Variants in STOX1 observed in about 807,000 individuals in gnomAD.
STOX1 encodes storkhead-box protein 1.
A neutral mutation model predicts 74.8 loss-of-function variants in STOX1; 57 were observed. The observed-to-expected ratio is 0.76, with a 90% confidence interval of 0.62 to 0.95. The LOEUF is 0.95. STOX1 is among the 40% of genes least tolerant of loss of function. The pLI is 0.00. For missense variants in STOX1, 1,010 were observed against 1,117.0 expected (o/e 0.90, Z 1.37); for synonymous variants, 375 against 401.3 (o/e 0.93, Z 0.78).
At chr10:68,829,586 G>A (rs1156382509) in intron 1 of STOX1, among the ~76,000 whole-genome samples, 1 of 152,082 alleles carries the variant, frequency 6.6e-6, no homozygotes, top group Non-Finnish European at 1.5e-5. Flanking sequence ...TGAAAACAGG[G>A]CAGCAAGAAG....
At chr10:68,892,483 A>G (rs1841120503) in intron 3 of STOX1, 106 bp from the exon 4 acceptor site, 1 of 1,037,126 alleles carries the variant, frequency 9.6e-7, no homozygotes. Context: ...GTACCTTTGT[A>G]TTAGTAAATG....
downstream of STOX1, among the ~76,000 whole-genome samples, chr10:68,894,542 C>A (rs1841159130): frequency 6.6e-6 from 1 of 152,156 alleles, no homozygotes; most frequent in African/African-American, 2.4e-5. Flanking sequence ...TGACATACCA[C>A]TGCATTCTTA....
chr10:68,889,637 C>T (rs1462097294), intron 3 of STOX1, among the ~76,000 whole-genome samples: 3 of 152,176 alleles, frequency 2.0e-5, no homozygotes, highest in Non-Finnish European at 4.4e-5. Context: ...GATCTCGGCT[C>T]ACAGCAACCT....
chr10:68,860,704 G>T (rs1262028199), intron 1 of STOX1, among the ~76,000 whole-genome samples: 1 of 151,974 alleles, frequency 6.6e-6, no homozygotes, highest in Admixed American at 6.6e-5. Context: ...AATTTGATTG[G>T]GTGTGTGTGT....
intron 1 of STOX1, among the ~76,000 whole-genome samples, chr10:68,840,867 GGTT>G (rs1273996410): frequency 6.6e-6 from 1 of 150,472 alleles, no homozygotes; most frequent in African/African-American, 2.4e-5. Context: ...GGCCAACAGT[GGTT>G]GTTTTATCTC....
chr10:68,849,389 G>A (rs1481857242), intron 1 of STOX1, among the ~76,000 whole-genome samples: 3 of 152,010 alleles, frequency 2.0e-5, no homozygotes, highest in South Asian at 2.1e-4. Flanking sequence ...AGTAATTCCC[G>A]AACTCTTCCG....
At chr10:68,872,332 T>TTTTTC (rs1564582708) in intron 1 of STOX1, among the ~76,000 whole-genome samples, 7 of 133,750 alleles carry the variant, frequency 5.2e-5, no homozygotes, top group African/African-American at 1.1e-4. Flanking sequence ...TAGTTTTTTC[T>TTTTTC]TTTTCTTTTC....
At position 68,885,999 on chromosome 10, in the gene STOX1, T is replaced by C; in HGVS notation, c.2203T>C (p.Leu735=). 6.2e-7 allele frequency: 1 copy of C among 1,614,176 alleles called. No homozygotes were observed. Residue 735 remains leucine, a synonymous_variant, in exon 3 of 4, where the codon TTA becomes CTA. Coordinates refer to ENST00000298596, the MANE Select transcript of STOX1 (RefSeq NM_152709.5). ...VEDDDGACSS[L]YLEEDDISEN... is the part of the protein sequence containing the mutation. ...AGATGATGATGGTGCCTGTAGTTCATTATATCTAGAGGAGGATGACATTTC... is the reference window on the plus strand; with the variant it reads ...AGATGATGATGGTGCCTGTAGTTCACTATATCTAGAGGAGGATGACATTTC...
chr10:68,891,865 G>T (rs1375857636), intron 3 of STOX1, among the ~76,000 whole-genome samples: 1 of 151,872 alleles, frequency 6.6e-6, no homozygotes, highest in Non-Finnish European at 1.5e-5. Flanking sequence ...TGTTGCTGAG[G>T]CTGGAGTGTA....
At chr10:68,878,992 G>A (rs746979350) in intron 1 of STOX1, among the ~76,000 whole-genome samples, 28 of 152,174 alleles carry the variant, frequency 1.8e-4, no homozygotes, top group Non-Finnish European at 2.9e-4. Flanking sequence ...GACCTGCAGT[G>A]TGAACATCTC....
At chr10:68,859,937 C>T (rs969358119) in intron 1 of STOX1, among the ~76,000 whole-genome samples, 1 of 151,778 alleles carries the variant, frequency 6.6e-6, no homozygotes, top group Non-Finnish European at 1.5e-5. Context: ...AAAATGGTTG[C>T]ATCCTCTGCA....
intron 1 of STOX1, among the ~76,000 whole-genome samples, chr10:68,836,018 C>A (rs765494069): frequency 6.6e-6 from 1 of 152,156 alleles, no homozygotes; most frequent in Non-Finnish European, 1.5e-5. Context: ...ATTACAGGCG[C>A]GTGCCACCAC....
chr10:68,845,221 A>G (rs894003354), intron 1 of STOX1, among the ~76,000 whole-genome samples: 21 of 151,210 alleles, frequency 1.4e-4, no homozygotes, highest in African/African-American at 4.9e-4. Context: ...CTCCTGCCTC[A>G]GCACCCCCAA....
At chr10:68,894,671 G>C (rs569964208), downstream of STOX1, among the ~76,000 whole-genome samples, 1 of 152,276 alleles carries the variant, frequency 6.6e-6, no homozygotes, top group South Asian at 2.1e-4. Flanking sequence ...AGTTTTAGGG[G>C]GGTCTCACAG....
At chr10:68,875,611 T>C (rs546490526) in intron 1 of STOX1, among the ~76,000 whole-genome samples, 1 of 152,336 alleles carries the variant, frequency 6.6e-6, no homozygotes, top group South Asian at 2.1e-4. Flanking sequence ...TTCTTCAGGC[T>C]TATGGAAGGG....
Position 68,885,712 on chromosome 10 carries a change from A to C in STOX1, c.1916A>C (p.His639Pro), listed in dbSNP as rs372305853. ...TTAGGGGAGACCAAACAGACTCCGC[A>C]TAGTCTGCCATCACGAGGTGCCTCC... ...DKLGETKQTP[H>P]SLPSRGASFS... The change falls in exon 3 of 4, where the codon CAT becomes CCT. Residue 639 changes from histidine to proline, a missense_variant. Physicochemically the swap from His to Pro is moderately conservative, Grantham distance 77. Transcript: ENST00000298596. 2 of 1,614,172 alleles carry C rather than the reference A, an allele frequency of 1.2e-6. No homozygotes were observed. Among genetic ancestry groups the C allele is most frequent in the Admixed American group, 1.7e-5 (1 of 60,026 alleles).
At chr10:68,845,720 G>C (rs984116716) in intron 1 of STOX1, among the ~76,000 whole-genome samples, 30 of 151,818 alleles carry the variant, frequency 2.0e-4, no homozygotes, top group Admixed American at 1.7e-3. Context: ...TTCTGTCTCA[G>C]CCTCCCGAGT....
downstream of STOX1, among the ~76,000 whole-genome samples, chr10:68,893,218 G>T (rs930548214): frequency 6.6e-6 from 1 of 152,138 alleles, no homozygotes; most frequent in African/African-American, 2.4e-5. Context: ...TGCAACCCTA[G>T]GTCTTTATCA....
At position 68,886,215 on chromosome 10, in the gene STOX1, G is replaced by C. The variant is rs1464485441; in HGVS notation, c.2419G>C (p.Ala807Pro). 3.7e-6 allele frequency: 6 copies of C among 1,614,088 alleles called. No individual in the cohort carries two copies. The highest frequency in any genetic ancestry group is 2.7e-5 in the African/African-American group (2 of 74,930). The change falls in exon 3 of 4, where the codon GCT (alanine) becomes CCT (proline). Residue 807 changes from alanine (A) to proline (P), a missense_variant. Ala to Pro is a conservative substitution (Grantham distance 27). Coordinates refer to ENST00000298596, the MANE Select transcript of STOX1 (RefSeq NM_152709.5). ...ATGCTACAAACCCACTGGGCTGCAT[G>C]CTACCCCAGGTGAAAGCCAAGAACC... ...NECYKPTGLH[A>P]TPGESQEPNL... is the part of the protein sequence containing the mutation.
Sources: gnomAD v4.1 joint callset for allele counts (sites outside exome capture counted in the v4.1 genomes callset) on GRCh38, gnomAD v4.1.1 for gene constraint, MANE v1.5 for transcripts, NCBI Gene and HGNC (gene_info 2026-07-23, HGNC 2026-07-21) for gene names.